The following CCM2 variants were observed in gnomAD, a reference collection of about 807,000 sequenced individuals.
The protein encoded by CCM2 is cerebral cavernous malformations 2 protein.
A neutral mutation model predicts 44.9 loss-of-function variants in CCM2; 25 were observed. The observed-to-expected ratio is 0.56, with a 90% CI of 0.41 to 0.78. The LOEUF is 0.78. Among genes scored for constraint, CCM2 ranks in the 30% least tolerant of loss-of-function variants. The pLI is 0.00. For synonymous variants in CCM2, 219 were observed against 241.1 expected, an observed-to-expected ratio of 0.91 and a Z score of 0.85; for missense variants, 481 against 580.6, an observed-to-expected ratio of 0.83 and a Z score of 1.76.
chr7:45,046,616 G>T (rs933667514), intron 2 of CCM2, among the ~76,000 whole-genome samples: 1 of 152,154 alleles, frequency 6.6e-6, no homozygotes, highest in African/African-American at 2.4e-5. Flanking sequence ...TGGATCATAG[G>T]CTTAAATATA....
At position 45,071,708 on chromosome 7, in the gene CCM2, G is replaced by A. The variant is rs781557656; in HGVS notation, c.746-1018G>A. On this transcript the variant is annotated intron_variant, in intron 6 of 9. Transcript: ENST00000258781. ...CCTTGTCTTTCCAGCTCCTAAAGGC[G>A]GCTGCATGCCTTGGCTCATGGCCCT... 1.2e-3 allele frequency: 542 copies of A among 454,930 alleles called. 2 individuals carry two copies. Among genetic ancestry groups the A allele is most frequent in the Non-Finnish European group, 1.1e-3 (241 of 226,006 alleles). The allele number at this position is 454,930 out of a possible 1,614,324, so 28.2% of individuals were successfully genotyped here.
rs1471256011 is a variant in CCM2 at position 45,062,373 on chromosome 7, G to T, written c.205-1545G>T. Among the ~76,000 whole-genome samples the T allele has an allele frequency of 2.6e-5, 4 of 152,186 alleles. No individual in the cohort carries two copies. In the South Asian group the frequency reaches 8.3e-4, roughly 32 times the overall value. ...GGTGGTTGGTAAGATGCAGGCAGGA[G>T]CACAGCAGGTACAGTGCTGCTGCCC... On this transcript the variant is annotated intron_variant, in intron 2 of 9. Transcript: ENST00000258781.
chr7:45,074,516 A>G (rs948608056), intron 9 of CCM2, 108 bp downstream of exon 9: 11 of 872,810 alleles, frequency 1.3e-5, no homozygotes, highest in Non-Finnish European at 1.5e-5. Flanking sequence ...CAGGGGCTCC[A>G]TCAGGGATGG....
At chr7:45,000,964 T>C (rs753065561) in intron 1 of CCM2, among the ~76,000 whole-genome samples, 1 of 152,226 alleles carries the variant, frequency 6.6e-6, no homozygotes, top group Non-Finnish European at 1.5e-5. Flanking sequence ...TAAAGAAACA[T>C]TTTAAGACTG....
At chr7:45,018,004 G>A (rs1294481667) in intron 1 of CCM2, among the ~76,000 whole-genome samples, 2 of 152,126 alleles carry the variant, frequency 1.3e-5, no homozygotes, top group Non-Finnish European at 2.9e-5. Context: ...ACCAGGGACC[G>A]GTTTCGTGGC....
chr7:45,003,793 GTCTT>G (rs1405327958), intron 1 of CCM2, among the ~76,000 whole-genome samples: 6 of 151,784 alleles, frequency 4.0e-5, no homozygotes, highest in African/African-American at 1.2e-4. Context: ...GCTGCCTCTG[GTCTT>G]CGGTTGCCCC....
rs185950599 is a variant in CCM2, at chr7:45,003,789, T to C, written c.30+3426T>C. ...TGTGGGTCTCAGCTTCTCTGCTGCC[T>C]CTGGTCTTCGGTTGCCCCACCAGGT... On this transcript the variant is annotated intron_variant, in intron 1 of 9. Transcript: ENST00000258781. 2.0e-5 allele frequency among the ~76,000 whole-genome samples: 3 copies of C among 152,106 alleles called. No homozygotes were observed. The East Asian group carries it at 5.8e-4, about 29-fold the overall frequency.
intron 7 of CCM2, chr7:45,073,059 G>A: frequency 1.7e-6 from 1 of 603,630 alleles, no homozygotes; most frequent in Non-Finnish European, 3.0e-6. Context: ...GGATGGAGCT[G>A]TTCCCCTGCC....
intron 2 of CCM2, among the ~76,000 whole-genome samples, chr7:45,039,878 T>C (rs919807293): frequency 6.6e-6 from 1 of 151,568 alleles, no homozygotes; most frequent in Admixed American, 6.6e-5. Flanking sequence ...AATACAAAAA[T>C]TAGCCGGGCG....
Position 45,075,765 on chromosome 7 carries a change from G to C in CCM2, c.1055-12G>C. 1 of 1,613,600 alleles carries C rather than the reference G, an allele frequency of 6.2e-7. No individual in the cohort carries two copies. The highest frequency in any genetic ancestry group is 1.7e-5 in the Admixed American group (1 of 60,018). On this transcript the variant is annotated splice_polypyrimidine_tract_variant and intron_variant, in intron 9 of 9. Transcript: ENST00000258781. ...AACTGGAGGTGCCATGCTGGGTGTT[G>C]TGTGTCTGCAGGTCTGAGGCCCTTC...
At chr7:45,053,058 A>AGGT (rs1469817667) in intron 2 of CCM2, among the ~76,000 whole-genome samples, 3 of 152,246 alleles carry the variant, frequency 2.0e-5, no homozygotes, top group Admixed American at 1.3e-4. Flanking sequence ...ATGTACTTTC[A>AGGT]GGTGGACCTG....
chr7:45,054,956 TTTTC>T (rs1316592742), intron 2 of CCM2, among the ~76,000 whole-genome samples: 1 of 152,224 alleles, frequency 6.6e-6, no homozygotes, highest in Non-Finnish European at 1.5e-5. Flanking sequence ...GAGCTGTACT[TTTTC>T]TTTATTGACA....
chr7:45,042,947 G>T (rs1345420129), intron 2 of CCM2, among the ~76,000 whole-genome samples: 2 of 148,274 alleles, frequency 1.3e-5, no homozygotes, highest in African/African-American at 2.5e-5. Flanking sequence ...TCTCTTCTCT[G>T]CTTTCTCTTC....
chr7:45,017,611 T>G (rs1331747735), intron 1 of CCM2, among the ~76,000 whole-genome samples: 5 of 152,176 alleles, frequency 3.3e-5, no homozygotes, highest in African/African-American at 1.2e-4. Context: ...TAGGTCTTGT[T>G]TATAATTTGG....
intron 1 of CCM2, chr7:45,027,363 T>G (rs1796734317): frequency 1.3e-5 from 5 of 387,202 alleles, no homozygotes; most frequent in Non-Finnish European, 2.5e-5. Flanking sequence ...AGCTTTGGCA[T>G]TTGAATGTGC....
intron 1 of CCM2, among the ~76,000 whole-genome samples, chr7:45,028,071 A>G (rs1796772554): frequency 1.3e-5 from 2 of 152,340 alleles, no homozygotes; most frequent in South Asian, 4.1e-4. Flanking sequence ...TGACTCAAGG[A>G]AGAAGAAGCC....
intron 2 of CCM2, among the ~76,000 whole-genome samples, chr7:45,044,042 G>A (rs1279799370): frequency 6.6e-6 from 1 of 152,142 alleles, no homozygotes; most frequent in Admixed American, 6.5e-5. Context: ...TTTAGTTTGT[G>A]ATCTTGCCTT....
At chr7:45,071,677 C>A in intron 6 of CCM2, 1 of 435,502 alleles carries the variant, frequency 2.3e-6, no homozygotes, top group Non-Finnish European at 4.6e-6. Flanking sequence ...AGAGAAGAAG[C>A]CATTTCCTTG....
chr7:44,999,800 GCTCCCGCGCGC>G (rs1795506946), upstream of CCM2: 1 of 9,872 alleles, frequency 1.0e-4, no homozygotes, highest in Admixed American at 1.3e-3. Flanking sequence ...AGTTGGAGCT[GCTCCCGCGCGC>G]GCTCCCGCGC....
Sources: allele counts gnomAD v4.1 joint callset (sites outside exome capture counted in the v4.1 genomes callset), GRCh38; gene constraint gnomAD v4.1.1; transcripts MANE v1.5; gene names NCBI Gene and HGNC (gene_info 2026-07-23, HGNC 2026-07-21).